KATNBL1: variants seen among roughly 807,000 people sequenced by gnomAD.
The protein encoded by KATNBL1 is katanin regulatory subunit B1 like 1.
In KATNBL1, 28 loss-of-function variants were observed where a neutral mutation model predicts 44.7. The ratio of observed to expected loss-of-function variants is 0.63; its 90% CI spans 0.46 to 0.86. The LOEUF (loss-of-function observed/expected upper bound fraction) is 0.86, where lower values mean the gene tolerates loss of function less well. KATNBL1 is among the 40% of genes least tolerant of loss of function. The pLI is 0.00. For missense variants in KATNBL1, 272 were observed against 350.7 expected (o/e 0.78, Z 1.79); for synonymous variants, 78 against 114.9 (o/e 0.68, Z 2.06).
intron 1 of KATNBL1, among the ~76,000 whole-genome samples, chr15:34,189,387 G>T (rs535850289): frequency 6.6e-6 from 1 of 152,182 alleles, no homozygotes; most frequent in Non-Finnish European, 1.5e-5. Flanking sequence ...ACACCACCTC[G>T]CATTTGATAA....
intron 1 of KATNBL1, among the ~76,000 whole-genome samples, chr15:34,193,411 G>A (rs1401649454): frequency 6.6e-6 from 1 of 151,572 alleles, no homozygotes; most frequent in African/African-American, 2.4e-5. Flanking sequence ...GCATACGTCT[G>A]TAATCTCAGC....
chr15:34,188,321 T>C (rs1381835936), intron 1 of KATNBL1, among the ~76,000 whole-genome samples: 1 of 151,544 alleles, frequency 6.6e-6, no homozygotes, highest in East Asian at 2.0e-4. Flanking sequence ...TTTGGGAGGT[T>C]GAGGCGGACA....
At chr15:34,202,206 A>G (rs1890190817) in intron 1 of KATNBL1, among the ~76,000 whole-genome samples, 1 of 152,218 alleles carries the variant, frequency 6.6e-6, no homozygotes, top group Admixed American at 6.5e-5. Flanking sequence ...GACTCTCTAC[A>G]TATGAGAGGA....
chr15:34,181,815 C>CACATATAT (rs1889565550), intron 1 of KATNBL1, among the ~76,000 whole-genome samples: 1 of 69,182 alleles, frequency 1.4e-5, no homozygotes, highest in Non-Finnish European at 2.8e-5. Context: ...TACATATATA[C>CACATATAT]ATGTCCATAT....
intron 1 of KATNBL1, chr15:34,178,130 A>G (rs1337900814): frequency 1.3e-5 from 2 of 152,256 alleles, no homozygotes; most frequent in East Asian, 1.9e-4. Context: ...GACGTAGAAT[A>G]CATGCCATTC....
chr15:34,162,251 C>T (rs113242643), intron 2 of KATNBL1, among the ~76,000 whole-genome samples: 1,855 of 152,278 alleles, frequency 0.012, 14 homozygotes, highest in Middle Eastern at 0.044. Flanking sequence ...ATAATTGCAT[C>T]ATGGGGGCGG....
At position 34,193,216 on chromosome 15, in the gene KATNBL1, C is replaced by CAAAAAAA. The variant is rs34216208; in HGVS notation, c.-15+16728_-15+16734dup. Among the ~76,000 whole-genome samples the CAAAAAAA allele has an allele frequency of 9.5e-4, 63 of 66,330 alleles. 5 individuals carry two copies. The highest frequency in any genetic ancestry group is 3.5e-3 in the African/African-American group (43 of 12,274). The allele number at this position is 66,330 out of a possible 152,430, so 43.5% of individuals were successfully genotyped here. Reference sequence around the variant, plus strand: ...TGGGCGACAGAGCGAGACTCCGTCTCAAAAAAAAAAAAAAAAAAACAAAAA... The same window carrying CAAAAAAA: ...TGGGCGACAGAGCGAGACTCCGTCTCAAAAAAAAAAAAAAAAAAAAAAAAAACAAAAA... On this transcript the variant is annotated intron_variant, in intron 1 of 9. Coordinates refer to ENST00000256544, the MANE Select transcript of KATNBL1 (RefSeq NM_024713.3).
chr15:34,158,704 C>A (rs1427308953), intron 2 of KATNBL1, among the ~76,000 whole-genome samples: 1 of 152,014 alleles, frequency 6.6e-6, no homozygotes. Context: ...TCTGCAGATG[C>A]TTTAAAGGCT....
At chr15:34,151,018 C>T (rs1295368094) in intron 4 of KATNBL1, among the ~76,000 whole-genome samples, 1 of 152,180 alleles carries the variant, frequency 6.6e-6, no homozygotes, top group Non-Finnish European at 1.5e-5. Context: ...CATTGATGGG[C>T]ATTTCGATTG....
At chr15:34,149,515 C>A (rs1888405029) in intron 4 of KATNBL1, among the ~76,000 whole-genome samples, 1 of 152,072 alleles carries the variant, frequency 6.6e-6, no homozygotes, top group Admixed American at 6.5e-5. Flanking sequence ...CCTCCGCCTC[C>A]CAAGCTCAAG....
chr15:34,176,889 T>C (rs1889348763), intron 1 of KATNBL1, among the ~76,000 whole-genome samples: 1 of 152,180 alleles, frequency 6.6e-6, no homozygotes, highest in Non-Finnish European at 1.5e-5. Context: ...TTATCCCTTT[T>C]CCACCAAGAG....
intron 1 of KATNBL1, among the ~76,000 whole-genome samples, chr15:34,197,419 C>T (rs2140996058): frequency 6.6e-6 from 1 of 152,222 alleles, no homozygotes; most frequent in African/African-American, 2.4e-5. Context: ...ATCCACTTAC[C>T]ACAATGTCTG....
At chr15:34,193,234 A>AC (rs1889935355) in intron 1 of KATNBL1, among the ~76,000 whole-genome samples, 2 of 136,114 alleles carry the variant, frequency 1.5e-5, no homozygotes, top group Admixed American at 7.2e-5. Flanking sequence ...AAAAAAAAAA[A>AC]ACAAAAAAAA....
intron 3 of KATNBL1, among the ~76,000 whole-genome samples, chr15:34,153,498 A>T (rs1315410018): frequency 6.6e-6 from 1 of 152,234 alleles, no homozygotes; most frequent in Non-Finnish European, 1.5e-5. Flanking sequence ...AGCAAGCCTC[A>T]TCGTTTAATA....
intron 3 of KATNBL1, among the ~76,000 whole-genome samples, 153 bp downstream of exon 3, chr15:34,154,491 G>A (rs910395497): frequency 9.2e-5 from 14 of 152,270 alleles, no homozygotes; most frequent in Non-Finnish European, 1.3e-4. Flanking sequence ...AGACAATATT[G>A]ATGTGTTTAT....
intron 1 of KATNBL1, among the ~76,000 whole-genome samples, chr15:34,190,290 G>A (rs938426540): frequency 5.3e-5 from 8 of 152,068 alleles, no homozygotes; most frequent in Non-Finnish European, 8.8e-5. Flanking sequence ...TAGTGGGGAC[G>A]AATAACAAGG....
At chr15:34,175,683 A>G (rs898263761) in intron 1 of KATNBL1, among the ~76,000 whole-genome samples, 1 of 152,226 alleles carries the variant, frequency 6.6e-6, no homozygotes, top group Non-Finnish European at 1.5e-5. Flanking sequence ...AGACAATAAC[A>G]ATGTTGAGAA....
intron 4 of KATNBL1, 43 bp downstream of exon 4, chr15:34,152,747 A>G: frequency 6.7e-7 from 1 of 1,483,788 alleles, no homozygotes; most frequent in Non-Finnish European, 9.2e-7. Context: ...AGATTATAAC[A>G]GGAACAAAGT....
Position 34,194,164 on chromosome 15 carries a change from A to G in KATNBL1, c.-15+15787T>C, listed in dbSNP as rs1157865772. Among the ~76,000 whole-genome samples, 6 of 151,816 alleles carry G rather than the reference A, an allele frequency of 4.0e-5. No individual in the cohort carries two copies. The South Asian group carries it at 1.0e-3, about 26-fold the overall frequency. ...TCCATATTGGCCAGGCTGGTCTCGA[A>G]CTCCTGTCCTCATGATCCACCTGCC... On this transcript the variant is annotated intron_variant, in intron 1 of 9. Coordinates refer to ENST00000256544, the MANE Select transcript of KATNBL1 (RefSeq NM_024713.3).
Sources: gnomAD v4.1 joint callset for allele counts (sites outside exome capture counted in the v4.1 genomes callset) on GRCh38, gnomAD v4.1.1 for gene constraint, MANE v1.5 for transcripts, NCBI Gene and HGNC (gene_info 2026-07-23, HGNC 2026-07-21) for gene names.